The following NRDE2 variants were observed in gnomAD, a reference collection of about 807,000 sequenced individuals.
NRDE2 encodes NRDE-2, necessary for RNA interference, domain containing.
Under a neutral mutation model 124.2 loss-of-function variants are expected in NRDE2, and 76 were observed. That is an observed-to-expected ratio of 0.61 (90% CI 0.51 to 0.74). The LOEUF (loss-of-function observed/expected upper bound fraction) is 0.74, where lower values mean the gene tolerates loss of function less well. Among genes scored for constraint, NRDE2 ranks in the 30% least tolerant of loss-of-function variants. NRDE2 has a pLI of 0.00. For missense variants in NRDE2, 1,314 were observed against 1,417.3 expected, an observed-to-expected ratio of 0.93 and a Z score of 1.17; for synonymous variants, 489 against 528.1, an observed-to-expected ratio of 0.93 and a Z score of 1.01.
Position 90,268,467 on chromosome 14 carries a change from C to A in NRDE2, c.*9869G>T. The A allele has an allele frequency of 6.4e-7, 1 of 1,556,660 alleles. No homozygotes were observed. Among genetic ancestry groups the A allele is most frequent in the Admixed American group, 1.7e-5 (1 of 57,480 alleles). On this transcript the variant is annotated 3_prime_UTR_variant, in exon 14 of 14. Transcript: ENST00000354366. The stretch of plus-strand genomic sequence containing the variant: ...GTTTAGTAGGGAACACCGCATAGCT[C>A]TTCTCTTGAGAATGAGCAATCTCAG...
chr14:90,297,766 C>A (rs1884229861), intron 8 of NRDE2, among the ~76,000 whole-genome samples: 1 of 151,876 alleles, frequency 6.6e-6, no homozygotes, highest in South Asian at 2.1e-4. Context: ...AACATGGCGA[C>A]CCTATCTCTA....
intron 8 of NRDE2, among the ~76,000 whole-genome samples, chr14:90,295,050 C>T (rs573891486): frequency 2.0e-5 from 3 of 152,220 alleles, no homozygotes; most frequent in Non-Finnish European, 4.4e-5. Context: ...AAGCTACACA[C>T]GTGACAGAAA....
chr14:90,309,288 G>T (rs1464568685), intron 4 of NRDE2, among the ~76,000 whole-genome samples: 1 of 150,944 alleles, frequency 6.6e-6, no homozygotes, highest in Non-Finnish European at 1.5e-5. Context: ...AATAAATTTG[G>T]GCGAATTTTA....
intron 12 of NRDE2, among the ~76,000 whole-genome samples, chr14:90,282,182 AAAACAAT>A (rs1300894355): frequency 6.6e-6 from 1 of 152,250 alleles, no homozygotes; most frequent in African/African-American, 2.4e-5. Flanking sequence ...CTAAAACAAC[AAAACAAT>A]AAACAAGCCA....
intron 8 of NRDE2, among the ~76,000 whole-genome samples, chr14:90,296,160 C>A (rs1186212469): frequency 6.6e-6 from 1 of 152,132 alleles, no homozygotes; most frequent in Non-Finnish European, 1.5e-5. Flanking sequence ...CTAACAAAAA[C>A]CAAACAAAAC....
chr14:90,330,962 C>G (rs575918785), intron 1 of NRDE2, among the ~76,000 whole-genome samples: 1 of 151,882 alleles, frequency 6.6e-6, no homozygotes, highest in Non-Finnish European at 1.5e-5. Context: ...ACAAGGTCCC[C>G]CCACCCCAGG....
At position 90,274,517 on chromosome 14, in the gene NRDE2, C is replaced by A. The variant is rs1891750633; in HGVS notation, c.*3819G>T. ...AGTGACACCCCAACTGCAGTGAGCA[C>A]CCCTAGACCCAGACCTTTGCTGCTA... On this transcript the variant is annotated 3_prime_UTR_variant, in exon 14 of 14. Transcript: ENST00000354366. The A allele has an allele frequency of 6.6e-6, 1 of 151,574 alleles. No homozygotes were observed. Among genetic ancestry groups the A allele is most frequent in the South Asian group, 2.1e-4 (1 of 4,782 alleles). The allele number at this position is 151,574 out of a possible 1,614,324, so 9.4% of individuals were successfully genotyped here.
At chr14:90,326,356 C>G (rs978557621) in intron 1 of NRDE2, among the ~76,000 whole-genome samples, 19 of 151,590 alleles carry the variant, frequency 1.3e-4, no homozygotes, top group Non-Finnish European at 2.4e-4. Flanking sequence ...TAGCCGGGCG[C>G]GGTGGCGGGC....
Position 90,278,283 on chromosome 14 carries a change from C to A in NRDE2, c.*53G>T. The A allele has an allele frequency of 6.2e-7, 1 of 1,611,738 alleles. No homozygotes were observed. The highest frequency in any genetic ancestry group is 1.1e-5 in the South Asian group (1 of 90,906). ...CGTTCTCTGCTCGCGCCTCCTAGCT[C>A]CGCAGGGTGGGCAACTTGGCCTCGC... On this transcript the variant is annotated 3_prime_UTR_variant, in exon 14 of 14. Transcript: ENST00000354366.
At chr14:90,289,250 TC>T in intron 10 of NRDE2, 105 bp from the exon 11 acceptor site, 2 of 889,468 alleles carry the variant, frequency 2.2e-6, no homozygotes, top group Non-Finnish European at 3.5e-6. Flanking sequence ...CTACGCTTCC[TC>T]CCTTTATCAC....
At chr14:90,287,392 T>C (rs1164492750) in intron 11 of NRDE2, among the ~76,000 whole-genome samples, 1 of 151,720 alleles carries the variant, frequency 6.6e-6, no homozygotes, top group Non-Finnish European at 1.5e-5. Flanking sequence ...CTGAGACGGG[T>C]AGATCGCTTA....
Position 90,304,167 on chromosome 14 carries a change from T to A in NRDE2, c.773A>T (p.Asp258Val), listed in dbSNP as rs776575215. ...SEPISFIPVK[D>V]LEDAAPVTTW... ...TGTAACAGGAGCCGCATCTTCCAAG[T>A]CCTTCACTGGTATAAAGGAGATGGG... Residue 258 changes from aspartate to valine, a missense_variant, in exon 5 of 14, where the codon GAC becomes GTC. Transcript: ENST00000354366. The A allele has an allele frequency of 6.2e-7, 1 of 1,614,172 alleles. No homozygotes were observed. Among genetic ancestry groups the A allele is most frequent in the Non-Finnish European group, 8.5e-7 (1 of 1,180,036 alleles).
chr14:90,308,755 AGTT>A (rs1377173784), intron 4 of NRDE2, among the ~76,000 whole-genome samples: 3 of 152,216 alleles, frequency 2.0e-5, no homozygotes, highest in Non-Finnish European at 4.4e-5. Flanking sequence ...CAGAACAATG[AGTT>A]GTTGTTCAGT....
At chr14:90,297,834 A>G (rs536227395) in intron 8 of NRDE2, among the ~76,000 whole-genome samples, 102 of 151,986 alleles carry the variant, frequency 6.7e-4, no homozygotes, top group Admixed American at 3.2e-3. Flanking sequence ...CCAGCTACTC[A>G]GGAGCCTGAC....
intron 7 of NRDE2, among the ~76,000 whole-genome samples, chr14:90,299,637 G>C (rs1884315159): frequency 6.6e-6 from 1 of 152,094 alleles, no homozygotes. Context: ...CCTGAGCCCT[G>C]GGCAATGCCA....
chr14:90,300,018 G>A (rs1264098666), intron 7 of NRDE2, among the ~76,000 whole-genome samples: 1 of 152,120 alleles, frequency 6.6e-6, no homozygotes, highest in Non-Finnish European at 1.5e-5. Flanking sequence ...AATCACATGT[G>A]CTATTCGTGT....
chr14:90,292,124 G>A (rs1892286419), intron 9 of NRDE2, among the ~76,000 whole-genome samples: 1 of 152,220 alleles, frequency 6.6e-6, no homozygotes, highest in Non-Finnish European at 1.5e-5. Flanking sequence ...AACAGTAAAT[G>A]AGATAACACA....
chr14:90,305,336 G>A (rs1884559554), intron 4 of NRDE2, among the ~76,000 whole-genome samples: 1 of 152,176 alleles, frequency 6.6e-6, no homozygotes, highest in Non-Finnish European at 1.5e-5. Flanking sequence ...AATGTAAACT[G>A]GTATAATCAC....
chr14:90,313,937 T>A (rs956738895), intron 3 of NRDE2, among the ~76,000 whole-genome samples: 3 of 152,254 alleles, frequency 2.0e-5, no homozygotes, highest in Middle Eastern at 3.4e-3. Context: ...ACAAAAACCA[T>A]AACGGGCAAT....
Sources: gnomAD v4.1 joint callset for allele counts (sites outside exome capture counted in the v4.1 genomes callset) on GRCh38, gnomAD v4.1.1 for gene constraint, MANE v1.5 for transcripts, NCBI Gene and HGNC (gene_info 2026-07-23, HGNC 2026-07-21) for gene names.